The following MDFIC variants were observed in gnomAD, a reference collection of about 807,000 sequenced individuals.
MDFIC encodes the protein MyoD family inhibitor domain containing.
MDFIC carries 17 observed loss-of-function variants against 23.2 expected under a neutral mutation model. The ratio of observed to expected loss-of-function variants is 0.73; its 90% CI spans 0.50 to 1.10. MDFIC has a LOEUF of 1.10. MDFIC is among the 50% of genes least tolerant of loss of function. The pLI is 0.00. For missense variants in MDFIC, 356 were observed against 316.6 expected (o/e 1.12, Z -0.95); for synonymous variants, 120 against 115.2 (o/e 1.04, Z -0.27).
chr7:114,925,298 G>A (rs1792167883), intron 2 of MDFIC, among the ~76,000 whole-genome samples: 1 of 152,062 alleles, frequency 6.6e-6, no homozygotes, highest in South Asian at 2.1e-4. Flanking sequence ...AAACATTACA[G>A]TTGAAAGTAA....
Position 114,979,791 on chromosome 7 carries a change from A to T in MDFIC, c.493+10A>T. ...GGCTCTTCACCTGAAGGTAAGTTTGAGATATATGTAGATTTTATTTGACCA... is the reference window on the plus strand; with the variant it reads ...GGCTCTTCACCTGAAGGTAAGTTTGTGATATATGTAGATTTTATTTGACCA... On this transcript the variant is annotated intron_variant, in intron 4 of 4. Coordinates refer to ENST00000393486, the MANE Select transcript of MDFIC (RefSeq NM_001166345.3). The T allele has an allele frequency of 6.2e-7, 1 of 1,609,286 alleles. No individual in the cohort carries two copies. Among genetic ancestry groups the T allele is most frequent in the South Asian group, 1.1e-5 (1 of 90,798 alleles).
chr7:115,015,932 A>G lies in MDFIC; in HGVS notation c.738A>G (p.Ser246=), dbSNP rs972738501. 2 of 1,610,936 alleles carry G rather than the reference A, an allele frequency of 1.2e-6. No individual in the cohort carries two copies. The highest frequency in any genetic ancestry group is 1.7e-6 in the Non-Finnish European group (2 of 1,178,052). The change falls in exon 5 of 5, where the codon TCA becomes TCG. Residue 246 remains serine (S), a synonymous_variant. Coordinates refer to ENST00000393486, the MANE Select transcript of MDFIC (RefSeq NM_001166345.3). ...CMECCGICFP[S] is the part of the protein sequence containing the mutation. ...AATGCTGTGGAATTTGTTTTCCTTCATAAATATTTATCTTTTGTTTGTGTT... is the reference window on the plus strand; with the variant it reads ...AATGCTGTGGAATTTGTTTTCCTTCGTAAATATTTATCTTTTGTTTGTGTT...
intron 4 of MDFIC, among the ~76,000 whole-genome samples, chr7:114,993,224 T>G (rs1390204522): frequency 6.6e-6 from 1 of 152,228 alleles, no homozygotes; most frequent in Non-Finnish European, 1.5e-5. Flanking sequence ...TTATTGTGTC[T>G]ATTTGATTCT....
Position 114,953,984 on chromosome 7 carries a change from C to G in MDFIC, c.217+11587C>G, listed in dbSNP as rs561760960. 7.2e-5 allele frequency among the ~76,000 whole-genome samples: 11 copies of G among 152,156 alleles called. 1 individual carries two copies. The highest frequency in any genetic ancestry group is 5.9e-5 in the Non-Finnish European group (4 of 68,038). On this transcript the variant is annotated intron_variant, in intron 3 of 4. Coordinates refer to ENST00000393486, the MANE Select transcript of MDFIC (RefSeq NM_001166345.3). ...ATTGACTGAATCCACTGATTTGGAA[C>G]GCATAGACAGAGGGAGCTGATTTTA... is the stretch of plus-strand genomic sequence containing the variant.
intron 3 of MDFIC, among the ~76,000 whole-genome samples, chr7:114,957,693 C>A (rs1792909857): frequency 2.0e-5 from 3 of 152,054 alleles, no homozygotes; most frequent in South Asian, 4.1e-4. Flanking sequence ...GCAATATCAG[C>A]TTTTTCTTTC....
At chr7:114,964,867 A>G (rs1017415382) in intron 3 of MDFIC, among the ~76,000 whole-genome samples, 1 of 152,112 alleles carries the variant, frequency 6.6e-6, no homozygotes, top group African/African-American at 2.4e-5. Flanking sequence ...TCATTTTTCT[A>G]TGTGGTCACT....
intron 2 of MDFIC, among the ~76,000 whole-genome samples, chr7:114,930,026 T>C (rs1792280084): frequency 6.6e-6 from 1 of 152,104 alleles, no homozygotes; most frequent in South Asian, 2.1e-4. Context: ...ATGGTAACAT[T>C]TTCTGAGAGC....
intron 3 of MDFIC, among the ~76,000 whole-genome samples, chr7:114,963,826 C>T (rs556937198): frequency 2.0e-5 from 3 of 152,286 alleles, no homozygotes; most frequent in South Asian, 2.1e-4. Flanking sequence ...CTGATCCTCC[C>T]GCCTTGGCCT....
intron 3 of MDFIC, among the ~76,000 whole-genome samples, chr7:114,974,378 T>TA (rs1793266666): frequency 6.6e-6 from 1 of 152,090 alleles, no homozygotes; most frequent in Non-Finnish European, 1.5e-5. Context: ...TGGGCACCAG[T>TA]AAAAGCTTTG....
intron 3 of MDFIC, among the ~76,000 whole-genome samples, chr7:114,960,151 C>T (rs1212916087): frequency 6.6e-6 from 1 of 152,132 alleles, no homozygotes; most frequent in Non-Finnish European, 1.5e-5. Flanking sequence ...AATCCCTTTT[C>T]TCACTACCTC....
chr7:114,936,117 T>C (rs1034842781), intron 2 of MDFIC, among the ~76,000 whole-genome samples: 4 of 152,156 alleles, frequency 2.6e-5, no homozygotes, highest in African/African-American at 9.6e-5. Flanking sequence ...AAGATTAACT[T>C]GCCCAGGATC....
chr7:115,014,540 G>T lies in MDFIC; in HGVS notation c.494-1148G>T, dbSNP rs1482302745. ...CAAAGGACATGTGACAATGGTAAGA[G>T]GGTGGGGTTGTTGTGTCTTATCGCT... On this transcript the variant is annotated intron_variant, in intron 4 of 4. Coordinates refer to ENST00000393486, the MANE Select transcript of MDFIC (RefSeq NM_001166345.3). 7 of 1,286,348 alleles carry T rather than the reference G, an allele frequency of 5.4e-6. No individual in the cohort carries two copies. In the African/African-American group the frequency reaches 1.1e-4, roughly 20 times the overall value. The allele number at this position is 1,286,348 out of a possible 1,614,324, so 79.7% of individuals were successfully genotyped here.
At chr7:114,941,579 T>C (rs1792541017) in intron 2 of MDFIC, among the ~76,000 whole-genome samples, 1 of 152,212 alleles carries the variant, frequency 6.6e-6, no homozygotes, top group South Asian at 2.1e-4. Context: ...GAGTATTTTT[T>C]CTTCCTTTGA....
intron 3 of MDFIC, among the ~76,000 whole-genome samples, chr7:114,950,314 T>G (rs1374842142): frequency 6.6e-6 from 1 of 152,014 alleles, no homozygotes; most frequent in African/African-American, 2.4e-5. Context: ...ACATATAGGA[T>G]TAAAGGAATG....
intron 2 of MDFIC, among the ~76,000 whole-genome samples, chr7:114,926,374 A>G (rs1792189878): frequency 6.6e-6 from 1 of 152,238 alleles, no homozygotes; most frequent in Admixed American, 6.5e-5. Flanking sequence ...TATAACATAA[A>G]TTGTATGTCA....
intron 4 of MDFIC, among the ~76,000 whole-genome samples, chr7:114,990,491 C>A (rs1793587370): frequency 6.6e-6 from 1 of 152,122 alleles, no homozygotes; most frequent in Non-Finnish European, 1.5e-5. Flanking sequence ...CTAATGCTAT[C>A]CCTCCCCTCT....
At chr7:114,985,480 C>CTG (rs945936873) in intron 4 of MDFIC, among the ~76,000 whole-genome samples, 7 of 151,830 alleles carry the variant, frequency 4.6e-5, no homozygotes, top group African/African-American at 9.7e-5. Flanking sequence ...CTCTCTCTCT[C>CTG]TCTGTGTGTG....
At chr7:115,013,783 T>A (rs570660650) in intron 4 of MDFIC, among the ~76,000 whole-genome samples, 29 of 152,294 alleles carry the variant, frequency 1.9e-4, no homozygotes, top group Non-Finnish European at 4.0e-4. Flanking sequence ...GATGAAAGTA[T>A]GGAAACAGTG....
chr7:114,935,623 A>G (rs1320817878), intron 2 of MDFIC, among the ~76,000 whole-genome samples: 1 of 151,994 alleles, frequency 6.6e-6, no homozygotes, highest in Non-Finnish European at 1.5e-5. Flanking sequence ...AAAAAGGATT[A>G]AAACAGAATA....
Sources: allele counts gnomAD v4.1 joint callset (sites outside exome capture counted in the v4.1 genomes callset), GRCh38; gene constraint gnomAD v4.1.1; transcripts MANE v1.5; gene names NCBI Gene and HGNC (gene_info 2026-07-23, HGNC 2026-07-21).